NBAS: variants seen among roughly 807,000 people sequenced by gnomAD.
NBAS encodes NBAS subunit of NRZ tethering complex, also known as NAG/BC035112 fusion.
Under a neutral mutation model 302.5 loss-of-function variants are expected in NBAS, and 219 were observed. That is an observed-to-expected ratio of 0.72 (90% CI 0.65 to 0.81). The LOEUF (loss-of-function observed/expected upper bound fraction) is 0.81. Among genes scored for constraint, NBAS ranks in the 30% least tolerant of loss-of-function variants. NBAS has a pLI of 0.00. For synonymous variants in NBAS, 1,118 were observed against 1,021.6 expected (o/e 1.09, Z -1.80); for missense variants, 2,932 against 2,841.6 (o/e 1.03, Z -0.72).
chr2:15,331,124 G>A (rs1489660435), intron 35 of NBAS, among the ~76,000 whole-genome samples: 2 of 152,064 alleles, frequency 1.3e-5, no homozygotes, highest in East Asian at 1.9e-4. Flanking sequence ...AATACATTTT[G>A]AAGTATTTAT....
chr2:15,088,900 G>A, the NBAS span, among the ~76,000 whole-genome samples: 4 of 152,260 alleles, frequency 2.6e-5, no homozygotes, highest in East Asian at 1.9e-4. Flanking sequence ...GCCAATAGAC[G>A]GGCCTGTAAT....
chr2:14,790,505 G>C, the NBAS span, among the ~76,000 whole-genome samples: 2 of 152,114 alleles, frequency 1.3e-5, no homozygotes, highest in Non-Finnish European at 2.9e-5. Context: ...AGTCCAAGTA[G>C]GGGAGGCAAT....
At chr2:15,274,725 A>AAGATATAT (rs1368197650) in intron 44 of NBAS, among the ~76,000 whole-genome samples, 2 of 152,070 alleles carry the variant, frequency 1.3e-5, no homozygotes, top group Admixed American at 1.3e-4. Flanking sequence ...TTCTATCACC[A>AAGATATAT]AGATATATAC....
intron 40 of NBAS, among the ~76,000 whole-genome samples, chr2:15,301,219 C>A (rs1461101099): frequency 2.0e-5 from 3 of 152,070 alleles, no homozygotes; most frequent in Non-Finnish European, 4.4e-5. Flanking sequence ...GCAGGTAAAG[C>A]CTGGAATCAG....
At chr2:15,535,551 T>TAAATAAATAAATAAATAAACAAAC (rs1553334457) in intron 8 of NBAS, among the ~76,000 whole-genome samples, 3 of 147,778 alleles carry the variant, frequency 2.0e-5, no homozygotes, top group African/African-American at 7.6e-5. Context: ...AATAAATAAA[T>TAAATAAATAAATAAATAAACAAAC]AAATAAATAA....
the NBAS span, among the ~76,000 whole-genome samples, chr2:15,152,963 C>T: frequency 1.3e-5 from 2 of 152,124 alleles, no homozygotes; most frequent in Admixed American, 1.3e-4. Context: ...AGATTTAGGG[C>T]CAAGATCCAC....
chr2:15,178,074 T>A, intron 51 of NBAS: 1 of 454,558 alleles, frequency 2.2e-6, no homozygotes, highest in African/African-American at 2.0e-5. Context: ...TGATGTCTTT[T>A]CATCAACCTC....
chr2:15,351,410 C>T (rs1673349288), intron 35 of NBAS, among the ~76,000 whole-genome samples: 1 of 152,120 alleles, frequency 6.6e-6, no homozygotes, highest in African/African-American at 2.4e-5. Flanking sequence ...GGCATGGTGG[C>T]TCACACCTGT....
At chr2:15,361,367 G>T (rs1673915335) in intron 32 of NBAS, among the ~76,000 whole-genome samples, 1 of 151,820 alleles carries the variant, frequency 6.6e-6, no homozygotes, top group African/African-American at 2.4e-5. Context: ...ACAAAAATTA[G>T]CTAGGCATGG....
At chr2:15,237,721 G>C (rs893987527) in intron 45 of NBAS, among the ~76,000 whole-genome samples, 1 of 148,932 alleles carries the variant, frequency 6.7e-6, no homozygotes, top group African/African-American at 2.5e-5. Context: ...TCAGCCTCCT[G>C]AGTAGCTGGG....
the NBAS span, among the ~76,000 whole-genome samples, chr2:14,807,050 A>G: frequency 1.3e-5 from 2 of 152,154 alleles, no homozygotes; most frequent in Admixed American, 6.5e-5. Context: ...CAAAAAACCT[A>G]CACTAACAAA....
chr2:15,537,016 G>A (rs1440782620), intron 7 of NBAS, among the ~76,000 whole-genome samples: 1 of 152,194 alleles, frequency 6.6e-6, no homozygotes. Context: ...CTCACTCAGT[G>A]TTAACCTTTC....
chr2:14,962,946 A>G, the NBAS span, among the ~76,000 whole-genome samples: 1 of 152,084 alleles, frequency 6.6e-6, no homozygotes, highest in East Asian at 1.9e-4. Flanking sequence ...CAAAGGAGAA[A>G]AAAAAAAACA....
chr2:14,839,227 A>T, the NBAS span, among the ~76,000 whole-genome samples: 1 of 152,050 alleles, frequency 6.6e-6, no homozygotes, highest in Admixed American at 6.6e-5. Context: ...AGATGGTAAG[A>T]AAATTAGACT....
At chr2:14,968,486 G>T in the NBAS span, among the ~76,000 whole-genome samples, 1 of 151,932 alleles carries the variant, frequency 6.6e-6, no homozygotes. Flanking sequence ...GAATGTAGTA[G>T]CTACTGACAG....
At chr2:14,788,325 A>G in the NBAS span, among the ~76,000 whole-genome samples, 1 of 152,164 alleles carries the variant, frequency 6.6e-6, no homozygotes. Flanking sequence ...TCAACTCGTC[A>G]AAGTCATTCT....
At chr2:15,126,135 C>T in the NBAS span, among the ~76,000 whole-genome samples, 1 of 152,018 alleles carries the variant, frequency 6.6e-6, no homozygotes, top group African/African-American at 2.4e-5. Context: ...AGTTCTCACT[C>T]CGAGTTTATG....
the NBAS span, among the ~76,000 whole-genome samples, chr2:15,032,038 C>G: frequency 6.6e-6 from 1 of 152,166 alleles, no homozygotes. Context: ...CAGATCTGAA[C>G]CAGCTGCAGA....
intron 51 of NBAS, among the ~76,000 whole-genome samples, chr2:15,170,817 T>C (rs1330322849): frequency 6.6e-6 from 1 of 152,200 alleles, no homozygotes; most frequent in Non-Finnish European, 1.5e-5. Context: ...TAAAGAGTCG[T>C]CTGAGGTTCA....
Sources: gnomAD v4.1 joint callset for allele counts (sites outside exome capture counted in the v4.1 genomes callset) on GRCh38, gnomAD v4.1.1 for gene constraint, MANE v1.5 for transcripts, NCBI Gene and HGNC (gene_info 2026-07-23, HGNC 2026-07-21) for gene names.